PINX1: variants seen among roughly 807,000 people sequenced by gnomAD.
The protein encoded by PINX1 is PIN2/TERF1-interacting telomerase inhibitor 1.
Under a neutral mutation model 25.4 loss-of-function variants are expected in PINX1, and 34 were observed. The ratio of observed to expected loss-of-function variants is 1.34; its 90% CI spans 1.02 to 1.78. PINX1 has a LOEUF of 1.78. Ranked by LOEUF, PINX1 falls within the 40% of genes most tolerant of loss-of-function variation. The pLI, the probability that PINX1 is intolerant of heterozygous loss-of-function variation, is 0.00. For synonymous variants in PINX1, 197 were observed against 147.7 expected (o/e 1.33, Z -2.42); for missense variants, 592 against 404.9 (o/e 1.46, Z -3.97).
chr8:10,810,597 T>C (rs1563224468), intron 6 of PINX1, among the ~76,000 whole-genome samples: 2 of 152,226 alleles, frequency 1.3e-5, no homozygotes, highest in South Asian at 2.1e-4. Context: ...TGAGGAAATA[T>C]AAAAATTCCT....
At chr8:10,766,027 TCACACCCGGCACC>T (rs946101279) in intron 6 of PINX1, 111 bp from the exon 7 acceptor site, 28 of 1,006,576 alleles carry the variant, frequency 2.8e-5, no homozygotes, top group South Asian at 2.3e-4. Context: ...CACCCGGCGC[TCACACCCGGCACC>T]CACACCCGGC....
At chr8:10,808,659 C>T (rs1361906937) in intron 6 of PINX1, among the ~76,000 whole-genome samples, 1 of 152,202 alleles carries the variant, frequency 6.6e-6, no homozygotes, top group South Asian at 2.1e-4. Flanking sequence ...AAGATTTTAA[C>T]TCACGCAATG....
At chr8:10,809,469 T>A (rs761353794) in intron 6 of PINX1, among the ~76,000 whole-genome samples, 3 of 152,230 alleles carry the variant, frequency 2.0e-5, no homozygotes, top group Non-Finnish European at 4.4e-5. Flanking sequence ...AGCTCTGTAA[T>A]GCTTCTTACT....
At chr8:10,838,172 G>C (rs572732804) in intron 1 of PINX1, among the ~76,000 whole-genome samples, 62 of 152,298 alleles carry the variant, frequency 4.1e-4, no homozygotes, top group African/African-American at 1.5e-3. Flanking sequence ...CCCAATTCTT[G>C]AATCATTCTT....
At position 10,767,229 on chromosome 8, in the gene PINX1, C is replaced by T. The variant is rs964395025; in HGVS notation, c.472-1313G>A. Among the ~76,000 whole-genome samples, 13 of 152,252 alleles carry T rather than the reference C, an allele frequency of 8.5e-5. 1 individual carries two copies. Among genetic ancestry groups the T allele is most frequent in the African/African-American group, 3.1e-4 (13 of 41,548 alleles). ...TCTGCTTGTGCAGGTAACTGAATTA[C>T]AAACCACCTATAAACAGACCCTGTA... On this transcript the variant is annotated intron_variant, in intron 6 of 6. Coordinates refer to ENST00000314787, the MANE Select transcript of PINX1 (RefSeq NM_017884.6).
At chr8:10,789,784 C>CCA (rs1174649440) in intron 6 of PINX1, among the ~76,000 whole-genome samples, 2 of 151,942 alleles carry the variant, frequency 1.3e-5, no homozygotes, top group Non-Finnish European at 2.9e-5. Context: ...ACCACTGAGA[C>CCA]CACACACACA....
intron 6 of PINX1, among the ~76,000 whole-genome samples, chr8:10,818,964 C>T (rs1167723137): frequency 6.6e-6 from 1 of 152,202 alleles, no homozygotes. Flanking sequence ...AGAGGTACAA[C>T]CAGAAGCCAG....
Position 10,765,484 on chromosome 8 carries a change from G to A in PINX1, c.904C>T (p.Leu302=). Residue 302 remains leucine (L), a synonymous_variant, in exon 7 of 7, where the codon CTG becomes TTG. Coordinates refer to ENST00000314787, the MANE Select transcript of PINX1 (RefSeq NM_017884.6). ...TCTGCTATCTCTACTGGTTTTTGCA[G>A]CTTTTTCTTCCCTCTCCTCTTTTTG... is the stretch of plus-strand genomic sequence containing the variant. The part of the protein sequence containing the change: ...KPKKRRGKKK[L]QKPVEIAEDA... 1 of 1,613,500 alleles carries A rather than the reference G, an allele frequency of 6.2e-7. No individual in the cohort carries two copies. Among genetic ancestry groups the A allele is most frequent in the Middle Eastern group, 1.6e-4 (1 of 6,062 alleles).
At chr8:10,794,608 G>A (rs1279494072) in intron 6 of PINX1, among the ~76,000 whole-genome samples, 1 of 152,050 alleles carries the variant, frequency 6.6e-6, no homozygotes, top group Non-Finnish European at 1.5e-5. Context: ...TGTATTTTTA[G>A]TAGAGACGGG....
At chr8:10,813,992 G>A (rs1288839096) in intron 6 of PINX1, among the ~76,000 whole-genome samples, 1 of 152,066 alleles carries the variant, frequency 6.6e-6, no homozygotes, top group African/African-American at 2.4e-5. Context: ...ACTTCAAATT[G>A]CAAACCAAGT....
At position 10,807,332 on chromosome 8, in the gene PINX1, C is replaced by A. The variant is rs1487091510; in HGVS notation, c.471+12861G>T. Among the ~76,000 whole-genome samples, 109 of 95,928 alleles carry A rather than the reference C, an allele frequency of 1.1e-3. 7 individuals are homozygous for A. The highest frequency in any genetic ancestry group is 1.5e-3 in the Non-Finnish European group (76 of 51,066). 62.9% of individuals were successfully genotyped at this position (95,928 alleles called of 152,430 possible). ...ATCAAGAAAATCCCCCCCCCACCCC[C>A]CCCCCCACCAAAGTAGAACAAAGAT... On this transcript the variant is annotated intron_variant, in intron 6 of 6. Transcript: ENST00000314787.
At chr8:10,771,582 T>A (rs921704266) in intron 6 of PINX1, among the ~76,000 whole-genome samples, 1 of 152,198 alleles carries the variant, frequency 6.6e-6, no homozygotes, top group Non-Finnish European at 1.5e-5. Context: ...ACAACCTCCC[T>A]AATGAGGAAC....
chr8:10,836,694 C>CG, intron 1 of PINX1, among the ~76,000 whole-genome samples: 1 of 95,240 alleles, frequency 1.0e-5, no homozygotes, highest in Non-Finnish European at 2.2e-5. Flanking sequence ...GTTGGGGGGG[C>CG]GGGGGGTGGC....
chr8:10,800,216 G>C (rs17152442), intron 6 of PINX1, among the ~76,000 whole-genome samples: 11,056 of 152,248 alleles, frequency 0.073, 545 homozygotes, highest in African/African-American at 0.13. Context: ...ACAGCATTTG[G>C]TATTATTCTT....
chr8:10,832,409 G>A (rs1323528661), intron 3 of PINX1, among the ~76,000 whole-genome samples: 1 of 152,182 alleles, frequency 6.6e-6, no homozygotes, highest in African/African-American at 2.4e-5. Flanking sequence ...TTAAGGTAAA[G>A]GAATATGAAA....
At chr8:10,774,858 A>G (rs922572715) in intron 6 of PINX1, among the ~76,000 whole-genome samples, 1 of 152,222 alleles carries the variant, frequency 6.6e-6, no homozygotes, top group Admixed American at 6.5e-5. Flanking sequence ...AAGTCATTCT[A>G]TGTTTAAAAG....
chr8:10,766,367 C>G (rs1303610660), intron 6 of PINX1, among the ~76,000 whole-genome samples: 1 of 152,174 alleles, frequency 6.6e-6, no homozygotes. Flanking sequence ...TTACATGGGC[C>G]CCTGTGTTGA....
rs781339301 is a variant in PINX1 at position 10,765,757 on chromosome 8, T to G, written c.631A>C (p.Arg211=). 2 of 1,613,922 alleles carry G rather than the reference T, an allele frequency of 1.2e-6. No individual in the cohort carries two copies. The highest frequency in any genetic ancestry group is 2.2e-5 in the South Asian group (2 of 91,084). ...DISETQVERK[R]GKKRNKEATG... is the part of the protein sequence containing the mutation. ...GCCTCTTTATTTCTTTTCTTCCCCCTTTTACGTTCCACCTGCGTCTCAGAA... is the reference window on the plus strand; with the variant it reads ...GCCTCTTTATTTCTTTTCTTCCCCCGTTTACGTTCCACCTGCGTCTCAGAA... The change falls in exon 7 of 7, where the codon AGG becomes CGG. Residue 211 remains arginine, a synonymous_variant. Transcript: ENST00000314787.
chr8:10,810,626 G>A (rs1468401850), intron 6 of PINX1, among the ~76,000 whole-genome samples: 1 of 152,196 alleles, frequency 6.6e-6, no homozygotes, highest in African/African-American at 2.4e-5. Context: ...GGGGATCCCA[G>A]TCTCCTAAGG....
Sources: allele counts gnomAD v4.1 joint callset (sites outside exome capture counted in the v4.1 genomes callset), GRCh38; gene constraint gnomAD v4.1.1; transcripts MANE v1.5; gene names NCBI Gene and HGNC (gene_info 2026-07-23, HGNC 2026-07-21).